KCNN2: variants seen among roughly 807,000 people sequenced by gnomAD.
KCNN2 encodes potassium calcium-activated channel subfamily N member 2.
A neutral mutation model predicts 55.5 loss-of-function variants in KCNN2; 24 were observed. That is an observed-to-expected ratio of 0.43 (90% CI 0.31 to 0.61). KCNN2 has a LOEUF of 0.61. KCNN2 is among the 20% of genes least tolerant of loss of function. The probability of loss-of-function intolerance (pLI) is 0.08; values close to 1 mark genes in which losing one functional copy is unlikely to be tolerated. For synonymous variants in KCNN2, 431 were observed against 336.1 expected (o/e 1.28, Z -3.09); for missense variants, 754 against 853.6 (o/e 0.88, Z 1.45).
chr5:114,056,614 T>G (rs916118447), intron 1 of KCNN2: 2 of 392,590 alleles, frequency 5.1e-6, no homozygotes, highest in African/African-American at 4.1e-5. Flanking sequence ...CTCCCCTCCC[T>G]CTTGCTTACT....
chr5:114,205,071 TTTTC>T (rs1334376510), intron 1 of KCNN2, among the ~76,000 whole-genome samples: 4 of 99,080 alleles, frequency 4.0e-5, no homozygotes, highest in African/African-American at 1.6e-4. Flanking sequence ...AATCTTCAGT[TTTTC>T]TTTGTCTTTT....
chr5:114,090,561 C>G (rs7700873), intron 1 of KCNN2, among the ~76,000 whole-genome samples: 1 of 138,152 alleles, frequency 7.2e-6, no homozygotes, highest in Non-Finnish European at 1.6e-5. Flanking sequence ...CTCTCTCTCT[C>G]TATATATATA....
chr5:114,454,300 C>T (rs1469327524), intron 3 of KCNN2, among the ~76,000 whole-genome samples: 2 of 152,010 alleles, frequency 1.3e-5, no homozygotes, highest in Non-Finnish European at 2.9e-5. Context: ...TTCTTCCTCC[C>T]TCCTTTTTGT....
intron 1 of KCNN2, among the ~76,000 whole-genome samples, chr5:114,145,783 G>A (rs1316878681): frequency 6.6e-6 from 1 of 152,126 alleles, no homozygotes; most frequent in Admixed American, 6.6e-5. Context: ...ACAGTCTGTG[G>A]AGTGACACAG....
chr5:114,432,312 A>G (rs1759822459), intron 3 of KCNN2, among the ~76,000 whole-genome samples: 1 of 152,234 alleles, frequency 6.6e-6, no homozygotes, highest in Admixed American at 6.5e-5. Context: ...ACCTTTTAAC[A>G]TTATGTAATG....
chr5:114,405,084 G>C (rs1758890160), intron 3 of KCNN2, among the ~76,000 whole-genome samples: 1 of 152,158 alleles, frequency 6.6e-6, no homozygotes, highest in African/African-American at 2.4e-5. Context: ...GTTTTCAGTA[G>C]AGGGCTGCCT....
chr5:114,371,452 G>C (rs1434835768), intron 2 of KCNN2, among the ~76,000 whole-genome samples: 1 of 152,006 alleles, frequency 6.6e-6, no homozygotes, highest in African/African-American at 2.4e-5. Flanking sequence ...TGAGGTGAAG[G>C]AGTCTAAGAG....
chr5:114,172,185 C>A (rs957811926), intron 1 of KCNN2, among the ~76,000 whole-genome samples: 1 of 151,878 alleles, frequency 6.6e-6, no homozygotes, highest in African/African-American at 2.4e-5. Context: ...CCAGTTTACA[C>A]CACAAAGTGA....
intron 1 of KCNN2, among the ~76,000 whole-genome samples, chr5:114,148,845 G>C (rs970391507): frequency 1.3e-5 from 2 of 152,206 alleles, no homozygotes; most frequent in African/African-American, 2.4e-5. Flanking sequence ...CTAGTAGGGG[G>C]TCAGCTACTC....
chr5:114,308,129 C>T (rs1483283864), intron 2 of KCNN2, among the ~76,000 whole-genome samples: 2 of 152,114 alleles, frequency 1.3e-5, no homozygotes, highest in South Asian at 2.1e-4. Context: ...TAGCTCATGT[C>T]AATTTATCAC....
At chr5:114,246,516 G>C (rs755576886) in intron 2 of KCNN2, among the ~76,000 whole-genome samples, 6 of 151,998 alleles carry the variant, frequency 3.9e-5, no homozygotes, top group Non-Finnish European at 7.4e-5. Context: ...AACTCAGAAA[G>C]GCTATAAAAT....
At chr5:114,187,779 G>A (rs1309224310) in intron 1 of KCNN2, among the ~76,000 whole-genome samples, 1 of 148,990 alleles carries the variant, frequency 6.7e-6, no homozygotes, top group Non-Finnish European at 1.5e-5. Context: ...GTGCTAGGTT[G>A]ACAGGCATGA....
chr5:114,072,474 C>A (rs994096937), intron 1 of KCNN2, among the ~76,000 whole-genome samples: 2 of 152,068 alleles, frequency 1.3e-5, no homozygotes, highest in South Asian at 4.2e-4. Flanking sequence ...TAAAAATAGA[C>A]GTTATTAGCA....
intron 1 of KCNN2, among the ~76,000 whole-genome samples, chr5:114,100,499 C>A (rs1326642752): frequency 1.3e-5 from 2 of 152,024 alleles, no homozygotes; most frequent in African/African-American, 4.8e-5. Flanking sequence ...GCAGAGAATG[C>A]AGAAACAAAC....
chr5:114,304,172 C>A (rs563957756), intron 2 of KCNN2, among the ~76,000 whole-genome samples: 7 of 152,282 alleles, frequency 4.6e-5, no homozygotes, highest in African/African-American at 1.7e-4. Context: ...ACAGTAGCAA[C>A]CTATTTTCAG....
At chr5:114,431,349 T>C (rs1759786890) in intron 3 of KCNN2, among the ~76,000 whole-genome samples, 1 of 152,092 alleles carries the variant, frequency 6.6e-6, no homozygotes, top group Admixed American at 6.5e-5. Context: ...TTTTCCATTT[T>C]ATCTAGGTTG....
At chr5:114,090,563 A>C (rs1906219) in intron 1 of KCNN2, among the ~76,000 whole-genome samples, 12,032 of 124,624 alleles carry the variant, frequency 0.097, 496 homozygotes, top group African/African-American at 0.11. Context: ...CTCTCTCTCT[A>C]TATATATATG....
At chr5:114,209,574 CT>C (rs1188308574) in intron 1 of KCNN2, among the ~76,000 whole-genome samples, 1 of 151,902 alleles carries the variant, frequency 6.6e-6, no homozygotes, top group Non-Finnish European at 1.5e-5. Context: ...CCTAAGAAAA[CT>C]GGAAAAAATT....
chr5:114,080,483 C>G (rs1750789785), intron 1 of KCNN2, among the ~76,000 whole-genome samples: 1 of 152,078 alleles, frequency 6.6e-6, no homozygotes, highest in African/African-American at 2.4e-5. Context: ...AGATATAGGG[C>G]TATTCATGTT....
Sources: gnomAD v4.1 joint callset for allele counts (sites outside exome capture counted in the v4.1 genomes callset) on GRCh38, gnomAD v4.1.1 for gene constraint, MANE v1.5 for transcripts, NCBI Gene and HGNC (gene_info 2026-07-23, HGNC 2026-07-21) for gene names.